The following PSAP variants were observed in gnomAD, a reference collection of about 807,000 sequenced individuals.
The protein encoded by PSAP is precursor of saposins.
Under a neutral mutation model 66.0 loss-of-function variants are expected in PSAP, and 25 were observed. The ratio of observed to expected loss-of-function variants is 0.38; its 90% confidence interval spans 0.28 to 0.53. The LOEUF (loss-of-function observed/expected upper bound fraction) is 0.53. Among genes scored for constraint, PSAP ranks in the 20% least tolerant of loss-of-function variants. The pLI, the probability that PSAP is intolerant of heterozygous loss-of-function variation, is 0.83. For synonymous variants in PSAP, 273 were observed against 258.9 expected (o/e 1.05, Z -0.52); for missense variants, 649 against 668.8 (o/e 0.97, Z 0.33).
At chr10:71,828,422 G>A (rs904147318) in intron 5 of PSAP, among the ~76,000 whole-genome samples, 4 of 152,166 alleles carry the variant, frequency 2.6e-5, no homozygotes, top group East Asian at 1.9e-4. Flanking sequence ...TTGGGAAGCC[G>A]AGGCAGGCAG....
At chr10:71,818,092 C>A (rs1262187093) in intron 13 of PSAP, among the ~76,000 whole-genome samples, 1 of 152,216 alleles carries the variant, frequency 6.6e-6, no homozygotes, top group African/African-American at 2.4e-5. Context: ...GGGACCGAAC[C>A]AAACATCCCC....
chr10:71,818,866 G>C (rs934346571), intron 12 of PSAP, 142 bp from the exon 13 acceptor site: 2 of 1,026,064 alleles, frequency 1.9e-6, no homozygotes, highest in Non-Finnish European at 3.0e-6. Context: ...GGTTGCTGAG[G>C]AAAGCGATGG....
intron 2 of PSAP, among the ~76,000 whole-genome samples, chr10:71,833,189 C>A (rs528936294): frequency 1.3e-5 from 2 of 152,128 alleles, no homozygotes; most frequent in Non-Finnish European, 2.9e-5. Context: ...TCAGGCCAGT[C>A]GTGGTAGCCC....
At chr10:71,827,285 G>C (rs1191014798) in intron 6 of PSAP, among the ~76,000 whole-genome samples, 5 of 152,072 alleles carry the variant, frequency 3.3e-5, no homozygotes, top group African/African-American at 1.2e-4. Flanking sequence ...TGTAGTCCCA[G>C]CTACTCAGGA....
chr10:71,833,746 C>A (rs553945817), intron 2 of PSAP, among the ~76,000 whole-genome samples: 2 of 152,156 alleles, frequency 1.3e-5, no homozygotes, highest in South Asian at 4.1e-4. Flanking sequence ...CATGGCTTGT[C>A]GCCTTAGACC....
At position 71,819,528 on chromosome 10, in the gene PSAP, C is replaced by T. The variant is rs1295313912; in HGVS notation, c.1287G>A (p.Lys429=). ...LDRNLEKNST[K]QEILAALEKG... Reference sequence around the variant, plus strand: ...TCTCAAGAGCAGCCAGGATCTCCTGCTTGGTGCTGTTTTTCTCCAGGTTGC... The same window carrying T: ...TCTCAAGAGCAGCCAGGATCTCCTGTTTGGTGCTGTTTTTCTCCAGGTTGC... The change falls in exon 11 of 14, where the codon AAG becomes AAA. Residue 429 remains lysine (K), a synonymous_variant. Transcript: ENST00000394936. The T allele has an allele frequency of 4.3e-6, 7 of 1,614,112 alleles. No individual in the cohort carries two copies. The highest frequency in any genetic ancestry group is 1.7e-5 in the Admixed American group (1 of 60,008).
chr10:71,843,109 G>A (rs1293943507), intron 1 of PSAP, among the ~76,000 whole-genome samples: 1 of 152,164 alleles, frequency 6.6e-6, no homozygotes, highest in Admixed American at 6.5e-5. Flanking sequence ...GTGGGGTGGG[G>A]CAGCTATTTC....
chr10:71,839,271 C>T (rs1354451528), intron 1 of PSAP, among the ~76,000 whole-genome samples: 4 of 152,090 alleles, frequency 2.6e-5, no homozygotes, highest in African/African-American at 9.7e-5. Flanking sequence ...CAGAGTCTTG[C>T]TCTTGTCGCC....
At chr10:71,822,797 A>C (rs1432017082) in intron 7 of PSAP, 3 of 336,162 alleles carry the variant, frequency 8.9e-6, no homozygotes, top group African/African-American at 6.5e-5. Context: ...CAGGAACAAA[A>C]GTGCTAAAAA....
At chr10:71,835,821 G>GA (rs758665607) in intron 1 of PSAP, among the ~76,000 whole-genome samples, 6,081 of 47,160 alleles carry the variant, frequency 0.13, 683 homozygotes, top group African/African-American at 0.34. Context: ...GTCTGAGACA[G>GA]AAAAAAAAAA....
chr10:71,838,185 G>GCCAAGAGAGGCTAACACAGAGT (rs906083463), intron 1 of PSAP, among the ~76,000 whole-genome samples: 1 of 152,242 alleles, frequency 6.6e-6, no homozygotes, highest in African/African-American at 2.4e-5. Flanking sequence ...AGCAGCAAGA[G>GCCAAGAGAGGCTAACACAGAGT]CCAAGAGAGG....
At chr10:71,822,467 C>T (rs1397406578) in intron 7 of PSAP, among the ~76,000 whole-genome samples, 1 of 152,180 alleles carries the variant, frequency 6.6e-6, no homozygotes, top group African/African-American at 2.4e-5. Context: ...GCGGCAGGAC[C>T]ATTTAAAATG....
In PSAP at chr10:71,820,348, T is replaced by C. The variant is rs370155869; in HGVS notation, c.910-13A>G. The C allele has an allele frequency of 2.6e-5, 42 of 1,605,048 alleles. No individual in the cohort carries two copies. The highest frequency in any genetic ancestry group is 3.5e-5 in the Non-Finnish European group (41 of 1,172,164). On this transcript the variant is annotated splice_polypyrimidine_tract_variant and intron_variant, in intron 8 of 13. Coordinates refer to ENST00000394936, the MANE Select transcript of PSAP (RefSeq NM_002778.4). The stretch of plus-strand genomic sequence containing the variant: ...GGACCTCGTGCTTCTGTGGAAAGAG[T>C]AGAAGGAGAGTACTTTCAATGCTGG...
intron 7 of PSAP, among the ~76,000 whole-genome samples, chr10:71,825,085 G>A (rs972757024): frequency 2.6e-5 from 4 of 152,150 alleles, no homozygotes; most frequent in African/African-American, 4.8e-5. Flanking sequence ...AACAGGCGTC[G>A]CTGTGTTCCA....
At chr10:71,844,558 CG>C (rs1564826816) in intron 1 of PSAP, among the ~76,000 whole-genome samples, 1 of 151,960 alleles carries the variant, frequency 6.6e-6, no homozygotes, top group East Asian at 1.9e-4. Context: ...CCCAGCTACT[CG>C]GGAGGCTGAG....
chr10:71,840,670 C>T (rs1842717864), intron 1 of PSAP, among the ~76,000 whole-genome samples: 2 of 152,220 alleles, frequency 1.3e-5, no homozygotes, highest in Admixed American at 6.5e-5. Flanking sequence ...ACTAGGCTGA[C>T]ATCCCATCAC....
chr10:71,840,999 A>C (rs1385150939), intron 1 of PSAP, among the ~76,000 whole-genome samples: 1 of 152,276 alleles, frequency 6.6e-6, no homozygotes, highest in East Asian at 1.9e-4. Context: ...TCAACATATC[A>C]GGTGATGATC....
intron 1 of PSAP, among the ~76,000 whole-genome samples, chr10:71,845,904 T>G (rs1361312424): frequency 6.6e-6 from 1 of 152,214 alleles, no homozygotes; most frequent in African/African-American, 2.4e-5. Context: ...CTGGCTTGTT[T>G]TCCTGACTCA....
intron 7 of PSAP, among the ~76,000 whole-genome samples, chr10:71,825,400 A>G (rs1428475901): frequency 6.6e-6 from 1 of 152,222 alleles, no homozygotes; most frequent in Non-Finnish European, 1.5e-5. Context: ...AGGAGTTACC[A>G]GCTCAAGCAG....
Sources: allele counts gnomAD v4.1 joint callset (sites outside exome capture counted in the v4.1 genomes callset), GRCh38; gene constraint gnomAD v4.1.1; transcripts MANE v1.5; gene names NCBI Gene and HGNC (gene_info 2026-07-23, HGNC 2026-07-21).